Variants in PHACTR1 observed in about 807,000 individuals in gnomAD.
PHACTR1 encodes the protein RPEL repeat containing 1.
A neutral mutation model predicts 69.2 loss-of-function variants in PHACTR1; 16 were observed. The ratio of observed to expected loss-of-function variants is 0.23; its 90% CI spans 0.16 to 0.35. PHACTR1 has a LOEUF of 0.35. Ranked by LOEUF, PHACTR1 falls within the 10% of genes least tolerant of loss-of-function variation. The pLI is 1.00. For synonymous variants in PHACTR1, 312 were observed against 284.5 expected (o/e 1.10, Z -0.97); for missense variants, 510 against 734.7 (o/e 0.69, Z 3.54).
At chr6:12,749,424 G>A (rs749200781) in intron 3 of PHACTR1, 1 of 622,926 alleles carries the variant, frequency 1.6e-6, no homozygotes, top group South Asian at 1.5e-5. Flanking sequence ...GATCCTTAAC[G>A]GATTTTCTTT....
chr6:13,270,481 C>T (rs1253727450), intron 10 of PHACTR1, among the ~76,000 whole-genome samples: 4 of 152,198 alleles, frequency 2.6e-5, no homozygotes, highest in Non-Finnish European at 5.9e-5. Context: ...ACCTAATTAG[C>T]ACAAACTCTG....
At chr6:13,265,074 G>C (rs1250542707) in intron 10 of PHACTR1, 1 of 151,894 alleles carries the variant, frequency 6.6e-6, no homozygotes, top group Non-Finnish European at 1.5e-5. Flanking sequence ...TTCCACCACA[G>C]CCTCCTTCAC....
chr6:13,202,756 C>T (rs1482643503), intron 7 of PHACTR1, among the ~76,000 whole-genome samples: 3 of 152,214 alleles, frequency 2.0e-5, no homozygotes, highest in East Asian at 1.9e-4. Context: ...GGATTACAGG[C>T]GTGGGCCACC....
chr6:13,016,893 A>G (rs188062298), intron 4 of PHACTR1, among the ~76,000 whole-genome samples: 132 of 152,288 alleles, frequency 8.7e-4, no homozygotes, highest in African/African-American at 3.0e-3. Flanking sequence ...TTTCACTTTA[A>G]AACCAAGATG....
intron 4 of PHACTR1, among the ~76,000 whole-genome samples, chr6:12,899,099 T>C (rs932857761): frequency 2.6e-5 from 4 of 152,202 alleles, no homozygotes; most frequent in Admixed American, 2.0e-4. Context: ...CCAGAGCACC[T>C]GTGCGTGCTT....
chr6:12,764,848 G>A (rs1447725372), intron 4 of PHACTR1, among the ~76,000 whole-genome samples: 1 of 152,058 alleles, frequency 6.6e-6, no homozygotes, highest in Non-Finnish European at 1.5e-5. Context: ...AGCTGCTCTG[G>A]TCAGGTAAAG....
chr6:12,916,916 G>A (rs1188837600), intron 4 of PHACTR1, among the ~76,000 whole-genome samples: 1 of 152,110 alleles, frequency 6.6e-6, no homozygotes, highest in Admixed American at 6.5e-5. Flanking sequence ...TCAAAGTGAT[G>A]AATGACTAAT....
chr6:12,888,523 T>A (rs1783863399), intron 4 of PHACTR1, among the ~76,000 whole-genome samples: 1 of 152,234 alleles, frequency 6.6e-6, no homozygotes, highest in East Asian at 1.9e-4. Context: ...TTATAATTAA[T>A]CATAATTTTT....
intron 4 of PHACTR1, among the ~76,000 whole-genome samples, chr6:12,845,422 A>AACCC (rs1779110887): frequency 2.3e-4 from 3 of 12,798 alleles, no homozygotes; most frequent in Non-Finnish European, 2.9e-4. Context: ...CATTGTGAAC[A>AACCC]CCACCCACCC....
chr6:12,779,938 C>T (rs942452763), intron 4 of PHACTR1, among the ~76,000 whole-genome samples: 2 of 152,098 alleles, frequency 1.3e-5, no homozygotes, highest in Non-Finnish European at 2.9e-5. Context: ...ACTCACTGAG[C>T]TTTAAATGCT....
chr6:12,981,016 C>T (rs567480521), intron 4 of PHACTR1, among the ~76,000 whole-genome samples: 1 of 152,354 alleles, frequency 6.6e-6, no homozygotes, highest in Admixed American at 6.5e-5. Flanking sequence ...CAGCTTCCCT[C>T]AGGATAACTG....
intron 4 of PHACTR1, among the ~76,000 whole-genome samples, chr6:12,764,692 G>A (rs948711596): frequency 6.6e-6 from 1 of 152,162 alleles, no homozygotes; most frequent in Admixed American, 6.5e-5. Context: ...TTTAGAGGCT[G>A]TACAGTCAGG....
intron 8 of PHACTR1, among the ~76,000 whole-genome samples, chr6:13,210,149 G>A (rs754898902): frequency 1.2e-4 from 18 of 151,914 alleles, no homozygotes; most frequent in Middle Eastern, 3.2e-3. Flanking sequence ...CTGGGATCAC[G>A]GGTGCACGCC....
intron 4 of PHACTR1, among the ~76,000 whole-genome samples, chr6:12,772,787 G>C (rs2127629758): frequency 6.6e-6 from 1 of 152,284 alleles, no homozygotes; most frequent in African/African-American, 2.4e-5. Flanking sequence ...TAAATGGAAA[G>C]GTCTATGTTA....
chr6:12,791,570 G>A (rs4714866), intron 4 of PHACTR1, among the ~76,000 whole-genome samples: 67,148 of 152,064 alleles, frequency 0.44, 15,621 homozygotes, highest in African/African-American at 0.55. Context: ...GAAATGATGC[G>A]TGGTGAAATG....
intron 4 of PHACTR1, among the ~76,000 whole-genome samples, chr6:12,963,296 C>A (rs1352355343): frequency 1.3e-5 from 2 of 152,208 alleles, no homozygotes; most frequent in African/African-American, 2.4e-5. Context: ...TCACTGCTTC[C>A]TCTTCCCCTC....
At chr6:12,901,491 C>T (rs1403162676) in intron 4 of PHACTR1, among the ~76,000 whole-genome samples, 1 of 152,028 alleles carries the variant, frequency 6.6e-6, no homozygotes, top group African/African-American at 2.4e-5. Context: ...GGATTTCACG[C>T]ATTTTTTGGT....
intron 10 of PHACTR1, among the ~76,000 whole-genome samples, chr6:13,254,571 A>G (rs1047650060): frequency 6.6e-6 from 1 of 152,220 alleles, no homozygotes; most frequent in Admixed American, 6.5e-5. Context: ...ACCTTCATCA[A>G]AAAGGAAGAC....
At chr6:13,124,427 G>T (rs180756040) in intron 5 of PHACTR1, among the ~76,000 whole-genome samples, 10 of 152,294 alleles carry the variant, frequency 6.6e-5, no homozygotes, top group Non-Finnish European at 1.3e-4. Context: ...GTATGCACAT[G>T]CAGTAGTTGG....
Sources: allele counts gnomAD v4.1 joint callset (sites outside exome capture counted in the v4.1 genomes callset), GRCh38; gene constraint gnomAD v4.1.1; transcripts MANE v1.5; gene names NCBI Gene and HGNC (gene_info 2026-07-23, HGNC 2026-07-21).